THSD7B: variants seen among roughly 807,000 people sequenced by gnomAD.
THSD7B encodes thrombospondin type 1 domain containing 7B, also known as thrombospondin type-1 domain-containing protein 7B.
In THSD7B, 138 loss-of-function variants were observed where a neutral mutation model predicts 213.6. The observed-to-expected ratio is 0.65, with a 90% CI of 0.56 to 0.74. THSD7B has a LOEUF of 0.74. THSD7B is among the 30% of genes least tolerant of loss of function. THSD7B has a pLI of 0.00. For synonymous variants in THSD7B, 742 were observed against 687.0 expected, an observed-to-expected ratio of 1.08 and a Z score of -1.25; for missense variants, 1,931 against 1,991.5, an observed-to-expected ratio of 0.97 and a Z score of 0.58.
Position 137,584,142 on chromosome 2 carries a change from C to G in THSD7B, c.3423+11586C>G, listed in dbSNP as rs143206956. On this transcript the variant is annotated intron_variant, in intron 17 of 27. Coordinates refer to ENST00000409968, the MANE Select transcript of THSD7B (RefSeq NM_001316349.2). ...ACTCATGATTTGGCTCACTGTTCGT[C>G]TGTTATTGCTGTATAGGAATGCTTG... is the stretch of plus-strand genomic sequence containing the variant. 6.1e-3 allele frequency among the ~76,000 whole-genome samples: 927 copies of G among 152,236 alleles called. 10 individuals carry two copies. The highest frequency in any genetic ancestry group is 0.021 in the African/African-American group (888 of 41,564).
intron 12 of THSD7B, among the ~76,000 whole-genome samples, chr2:137,277,271 A>G (rs1391935288): frequency 6.6e-6 from 1 of 152,082 alleles, no homozygotes; most frequent in African/African-American, 2.4e-5. Context: ...AAAGCAAGAT[A>G]TTTCATATTT....
chr2:136,979,716 T>C (rs1198707500), intron 2 of THSD7B, among the ~76,000 whole-genome samples: 1 of 152,204 alleles, frequency 6.6e-6, no homozygotes, highest in Admixed American at 6.5e-5. Context: ...TGCATTGGGT[T>C]AAAACATACT....
intron 7 of THSD7B, 132 bp downstream of exon 7, chr2:137,171,070 A>C (rs1680239744): frequency 2.0e-6 from 2 of 1,004,366 alleles, no homozygotes; most frequent in African/African-American, 3.2e-5. Context: ...ATTTATGTTT[A>C]CATCGAGTGA....
At chr2:137,147,272 A>G (rs1396603608) in intron 5 of THSD7B, among the ~76,000 whole-genome samples, 2 of 152,160 alleles carry the variant, frequency 1.3e-5, no homozygotes, top group African/African-American at 4.8e-5. Context: ...ATTTCCTCAC[A>G]CAGAAGAATG....
At chr2:137,524,010 A>G (rs560926936) in intron 15 of THSD7B, among the ~76,000 whole-genome samples, 1 of 152,228 alleles carries the variant, frequency 6.6e-6, no homozygotes, top group African/African-American at 2.4e-5. Context: ...ATACAAATCA[A>G]TTTCTGGATT....
intron 1 of THSD7B, among the ~76,000 whole-genome samples, chr2:136,830,312 A>G (rs1682730851): frequency 6.6e-6 from 1 of 152,190 alleles, no homozygotes; most frequent in African/African-American, 2.4e-5. Flanking sequence ...AAGTCAAAAG[A>G]TGGAAAATTA....
intron 2 of THSD7B, among the ~76,000 whole-genome samples, chr2:136,910,637 G>C (rs1055000488): frequency 1.3e-5 from 2 of 152,148 alleles, no homozygotes; most frequent in African/African-American, 4.8e-5. Flanking sequence ...AAGAATCAAA[G>C]TGCTTTGCAT....
intron 7 of THSD7B, among the ~76,000 whole-genome samples, chr2:137,217,940 T>C (rs1396839092): frequency 2.0e-5 from 3 of 152,158 alleles, no homozygotes; most frequent in Non-Finnish European, 4.4e-5. Flanking sequence ...AAAAAATGCA[T>C]GTGTACAAAT....
At chr2:137,311,542 G>T (rs1683906817) in intron 12 of THSD7B, among the ~76,000 whole-genome samples, 1 of 152,034 alleles carries the variant, frequency 6.6e-6, no homozygotes, top group Non-Finnish European at 1.5e-5. Flanking sequence ...CCAACACTAT[G>T]TTGAATAGGA....
At chr2:137,556,965 A>G (rs2105215009) in intron 15 of THSD7B, among the ~76,000 whole-genome samples, 1 of 152,340 alleles carries the variant, frequency 6.6e-6, no homozygotes, top group East Asian at 1.9e-4. Context: ...ATAATGGTAA[A>G]GGGATCAATT....
chr2:136,768,231 C>T (rs1211812992), intron 1 of THSD7B, among the ~76,000 whole-genome samples: 1 of 152,100 alleles, frequency 6.6e-6, no homozygotes, highest in Non-Finnish European at 1.5e-5. Flanking sequence ...TTGTTAATAT[C>T]AGCAAAAAGA....
chr2:137,349,638 C>T (rs775419631), intron 12 of THSD7B, among the ~76,000 whole-genome samples: 7 of 151,818 alleles, frequency 4.6e-5, no homozygotes, highest in Admixed American at 3.3e-4. Context: ...TAGGCTATTG[C>T]TATTGCTTGC....
intron 14 of THSD7B, among the ~76,000 whole-genome samples, chr2:137,425,074 A>AAAT (rs539396572): frequency 0.043 from 3,318 of 77,826 alleles, 37 homozygotes; most frequent in Admixed American, 0.06. Context: ...TCTGTCTCAA[A>AAAT]AATAATAATA....
chr2:137,627,978 AT>A (rs777502688), intron 20 of THSD7B, among the ~76,000 whole-genome samples: 14 of 152,218 alleles, frequency 9.2e-5, no homozygotes, highest in South Asian at 8.3e-4. Context: ...TGTTTAAGCA[AT>A]TAGCTGAATC....
intron 15 of THSD7B, among the ~76,000 whole-genome samples, chr2:137,482,696 T>C (rs533061002): frequency 3.9e-5 from 6 of 152,188 alleles, no homozygotes; most frequent in African/African-American, 7.2e-5. Flanking sequence ...TTTTTTTTTT[T>C]CCCTTGGAGC....
At chr2:137,620,483 T>C (rs1350879347) in intron 19 of THSD7B, 126 bp from the exon 20 acceptor site, 3 of 632,786 alleles carry the variant, frequency 4.7e-6, no homozygotes, top group Non-Finnish European at 5.5e-6. Context: ...AGAAAGGATA[T>C]ACTTCCCCAC....
At position 137,283,168 on chromosome 2, in the gene THSD7B, A is replaced by G. The variant is rs563684720; in HGVS notation, c.2500+7142A>G. 8.5e-5 allele frequency among the ~76,000 whole-genome samples: 13 copies of G among 152,242 alleles called. No homozygotes were observed. The East Asian group carries it at 2.1e-3, about 25-fold the overall frequency. On this transcript the variant is annotated intron_variant, in intron 12 of 27. Coordinates refer to ENST00000409968, the MANE Select transcript of THSD7B (RefSeq NM_001316349.2). ...TAGGTATTTTATTCTCTTTGAAGCAATTGTGAATGGCAGTTCACTCATGAT... is the reference window on the plus strand; with the variant it reads ...TAGGTATTTTATTCTCTTTGAAGCAGTTGTGAATGGCAGTTCACTCATGAT...
At chr2:137,115,325 C>T (rs1323602295) in intron 5 of THSD7B, 32 bp downstream of exon 5, 2 of 1,477,552 alleles carry the variant, frequency 1.4e-6, no homozygotes, top group South Asian at 2.9e-5. Flanking sequence ...AGATGGTGCA[C>T]TGCTGGTTGG....
intron 2 of THSD7B, among the ~76,000 whole-genome samples, chr2:137,015,559 T>A (rs566422883): frequency 3.9e-5 from 6 of 152,250 alleles, no homozygotes; most frequent in African/African-American, 1.4e-4. Context: ...CCTGGACACA[T>A]CATATTTCAT....
Sources: allele counts gnomAD v4.1 joint callset (sites outside exome capture counted in the v4.1 genomes callset), GRCh38; gene constraint gnomAD v4.1.1; transcripts MANE v1.5; gene names NCBI Gene and HGNC (gene_info 2026-07-23, HGNC 2026-07-21).